COL4A6: variants seen among roughly 807,000 people sequenced by gnomAD.
COL4A6 encodes collagen alpha-6(IV) chain.
COL4A6 carries 59 observed loss-of-function variants against 126.7 expected under a neutral mutation model. The ratio of observed to expected loss-of-function variants is 0.47; its 90% confidence interval spans 0.38 to 0.58. COL4A6 has a LOEUF of 0.58. Ranked by LOEUF, COL4A6 falls within the 20% of genes least tolerant of loss-of-function variation. COL4A6 has a pLI of 0.00. For synonymous variants in COL4A6, 547 were observed against 496.6 expected, an observed-to-expected ratio of 1.10 and a Z score of -1.35; for missense variants, 1,285 against 1,337.3, an observed-to-expected ratio of 0.96 and a Z score of 0.61.
In COL4A6 at chrX:108,331,048, C is replaced by A. The variant is rs1219344565; in HGVS notation, c.64-20220G>T. 2.7e-5 allele frequency among the ~76,000 whole-genome samples: 3 copies of A among 111,522 alleles called. No homozygotes were observed. The Admixed American group carries it at 2.9e-4, about 11-fold the overall frequency. ...CATGTGTAAAGGACATCATGAAATG[C>A]CCCGGATGCTTTTCTTGTGGCTTTA... On this transcript the variant is annotated intron_variant, in intron 2 of 44. Coordinates refer to ENST00000334504, the MANE Select transcript of COL4A6 (RefSeq NM_033641.4).
At chrX:108,290,430 C>G (rs982736893) in intron 3 of COL4A6, among the ~76,000 whole-genome samples, 3 of 112,209 alleles carry the variant, frequency 2.7e-5, no homozygotes, top group African/African-American at 9.7e-5. Context: ...GTACCTGTCT[C>G]ACAGTTACTA....
chrX:108,225,994 A>G (rs943908843), intron 3 of COL4A6, among the ~76,000 whole-genome samples: 2 of 112,333 alleles, frequency 1.8e-5, no homozygotes, highest in Non-Finnish European at 3.8e-5. Flanking sequence ...GAAGCAGGGA[A>G]GGGAGAAGGG....
In COL4A6 at chrX:108,191,737, T is replaced by C. The variant is rs772103204; in HGVS notation, c.1181-204A>G. Reference sequence around the variant, plus strand: ...AGAGACCCAAAGAAGAGAGGAAACATGATCAGGGGCCCAGCATTTCTCAGT... The same window carrying C: ...AGAGACCCAAAGAAGAGAGGAAACACGATCAGGGGCCCAGCATTTCTCAGT... On this transcript the variant is annotated intron_variant, in intron 18 of 44. Transcript: ENST00000334504. Among the ~76,000 whole-genome samples the C allele has an allele frequency of 1.4e-4, 16 of 111,554 alleles. No homozygotes were observed. In the South Asian group the frequency reaches 6.2e-3, roughly 43 times the overall value.
rs2035124992 is a variant in COL4A6, at chrX:108,193,653, G to A, written c.1047C>T (p.Ile349=). ...CTGAGATCACAGCACCATCTATATC[G>A]ATGAAAACATCTGGGCCTGGCAGGC... is the stretch of plus-strand genomic sequence containing the variant. ...DIGLPGPDVF[I]DIDGAVISGN... Residue 349 remains isoleucine (I), a synonymous_variant, in exon 17 of 45, where the codon ATC becomes ATT. Transcript: ENST00000334504. 1.7e-6 allele frequency: 2 copies of A among 1,207,292 alleles called. No homozygotes were observed. The highest frequency in any genetic ancestry group is 2.2e-6 in the Non-Finnish European group (2 of 893,013).
chrX:108,351,181 A>G (rs1232140908), intron 2 of COL4A6, among the ~76,000 whole-genome samples: 1 of 111,281 alleles, frequency 9.0e-6, no homozygotes, highest in Non-Finnish European at 1.9e-5. Context: ...CCCTATTGAC[A>G]GTTTTCTTTT....
chrX:108,206,971 G>A (rs1315647607), intron 8 of COL4A6, among the ~76,000 whole-genome samples: 4 of 111,461 alleles, frequency 3.6e-5, no homozygotes, highest in Non-Finnish European at 5.7e-5. Context: ...GATTGACAGG[G>A]AATGAGCAGG....
At chrX:108,164,856 C>T (rs1486055676) in intron 39 of COL4A6, 21 bp downstream of exon 39, 1 of 1,191,483 alleles carries the variant, frequency 8.4e-7, no homozygotes. Flanking sequence ...AAGGGCCCAG[C>T]AGCCAGCCGA....
chrX:108,360,113 C>A (rs1248418641), intron 2 of COL4A6, among the ~76,000 whole-genome samples: 2 of 112,053 alleles, frequency 1.8e-5, no homozygotes, highest in African/African-American at 6.5e-5. Flanking sequence ...ATCCGAAACT[C>A]CAGGGATCTA....
intron 3 of COL4A6, among the ~76,000 whole-genome samples, chrX:108,283,335 G>C (rs1444762051): frequency 9.0e-6 from 1 of 110,715 alleles, no homozygotes; most frequent in Non-Finnish European, 1.9e-5. Context: ...AAGATGGACT[G>C]TTTACTCTTA....
At chrX:108,428,323 T>G (rs2064121872) in intron 2 of COL4A6, among the ~76,000 whole-genome samples, 1 of 112,287 alleles carries the variant, frequency 8.9e-6, no homozygotes, top group Non-Finnish European at 1.9e-5. Context: ...TGAGAGAGCC[T>G]TCTCTGATAT....
intron 3 of COL4A6, among the ~76,000 whole-genome samples, chrX:108,304,142 A>G (rs1176753881): frequency 8.9e-6 from 1 of 111,915 alleles, no homozygotes. Context: ...TAGTTAAAGC[A>G]GTGTTCTTGT....
rs910190499 is a variant in COL4A6 at position 108,298,441 on chromosome X, C to T, written c.144+12307G>A. 8.0e-5 allele frequency among the ~76,000 whole-genome samples: 9 copies of T among 111,985 alleles called. 1 individual carries two copies. The highest frequency in any genetic ancestry group is 3.8e-4 in the South Asian group (1 of 2,657). On this transcript the variant is annotated intron_variant, in intron 3 of 44. Transcript: ENST00000334504. ...TTTCTGTCGCTTCTGCTCTGTTTCC[C>T]GCCTGGCCTCCGGGCCCTCTCCCTG...
intron 3 of COL4A6, among the ~76,000 whole-genome samples, chrX:108,276,263 C>T (rs1165604075): frequency 1.8e-5 from 2 of 112,630 alleles, no homozygotes; most frequent in Admixed American, 1.9e-4. Flanking sequence ...AGGGCACAGA[C>T]CTTGCCAAAG....
rs1213137124 is a variant in COL4A6 at position 108,191,532 on chromosome X, A to G, written c.1182T>C (p.Gly394=). The G allele has an allele frequency of 8.3e-7, 1 of 1,205,755 alleles. No individual in the cohort carries two copies. Among genetic ancestry groups the G allele is most frequent in the Non-Finnish European group, 1.1e-6 (1 of 893,444 alleles). ...CCTGAGGCCCTAGGGCTCCTGGGAC[A>G]CCTGGAAGAATAAGCCCACACACAA... is the stretch of plus-strand genomic sequence containing the variant. ...SGVPGLPALS[G]VPGALGPQGF... The change falls in exon 19 of 45, where the codon GGT becomes GGC. Residue 394 remains glycine (G), a splice_region_variant and synonymous_variant. Coordinates refer to ENST00000334504, the MANE Select transcript of COL4A6 (RefSeq NM_033641.4).
intron 3 of COL4A6, among the ~76,000 whole-genome samples, chrX:108,241,403 G>A (rs2148321075): frequency 9.2e-6 from 1 of 108,871 alleles, no homozygotes; most frequent in East Asian, 2.8e-4. Flanking sequence ...TTTAAACCCA[G>A]GCAGTCTGAT....
chrX:108,374,125 G>A (rs1465885725), intron 2 of COL4A6, among the ~76,000 whole-genome samples: 3 of 112,289 alleles, frequency 2.7e-5, no homozygotes, highest in Non-Finnish European at 5.6e-5. Flanking sequence ...CAAACCAAAG[G>A]CAGAGAAGTG....
At position 108,288,651 on chromosome X, in the gene COL4A6, C is replaced by CT. The variant is rs1158684405; in HGVS notation, c.144+22096dup. On this transcript the variant is annotated intron_variant, in intron 3 of 44. Transcript: ENST00000334504. The stretch of plus-strand genomic sequence containing the variant: ...TGCCAGCTTATTTTTAAATAAATCT[C>CT]TTTTTTTTTTCATTTAATTAGGGAT... 4.1e-3 allele frequency among the ~76,000 whole-genome samples: 440 copies of CT among 106,683 alleles called. 1 individual carries two copies. Among genetic ancestry groups the CT allele is most frequent in the African/African-American group, 0.013 (381 of 29,452 alleles). The allele number at this position is 106,683 out of a possible 115,157, so 92.6% of individuals were successfully genotyped here.
intron 2 of COL4A6, among the ~76,000 whole-genome samples, chrX:108,437,645 T>C (rs1160764047): frequency 5.4e-5 from 6 of 111,963 alleles, no homozygotes; most frequent in Admixed American, 1.9e-4. Context: ...TGGAGATTGA[T>C]GCTAGTCATC....
intron 2 of COL4A6, among the ~76,000 whole-genome samples, chrX:108,425,659 G>T (rs778861044): frequency 9.2e-6 from 1 of 108,559 alleles, no homozygotes; most frequent in African/African-American, 3.4e-5. Flanking sequence ...GCTTGAACCC[G>T]AGAGGCAGAG....
Sources: allele counts gnomAD v4.1 joint callset (sites outside exome capture counted in the v4.1 genomes callset), GRCh38; gene constraint gnomAD v4.1.1; transcripts MANE v1.5; gene names NCBI Gene and HGNC (gene_info 2026-07-23, HGNC 2026-07-21).